The following TRAK1 variants were observed in gnomAD, a reference collection of about 807,000 sequenced individuals.
The protein encoded by TRAK1 is trafficking kinesin-binding protein 1.
Under a neutral mutation model 92.1 loss-of-function variants are expected in TRAK1, and 33 were observed. That is an observed-to-expected ratio of 0.36 (90% CI 0.27 to 0.48). The LOEUF is 0.48. Ranked by LOEUF, TRAK1 falls within the 20% of genes least tolerant of loss-of-function variation. The pLI, the probability that TRAK1 is intolerant of heterozygous loss-of-function variation, is 0.99. For synonymous variants in TRAK1, 521 were observed against 517.3 expected, an observed-to-expected ratio of 1.01 and a Z score of -0.10; for missense variants, 1,123 against 1,257.9, an observed-to-expected ratio of 0.89 and a Z score of 1.62.
chr3:42,045,593 T>C (rs1270429037), intron 1 of TRAK1, among the ~76,000 whole-genome samples: 1 of 152,184 alleles, frequency 6.6e-6, no homozygotes, highest in Non-Finnish European at 1.5e-5. Context: ...TCAGCATGGA[T>C]CCGATCCTAG....
rs138308490 is a variant in TRAK1, at chr3:42,063,266, G to T, written c.-518-23838G>T. ...TGAAATAGTTATTATTTTCCGCTTC[G>T]CGGGAAAAGTTTGCCAAGCCCTGCC... On this transcript the variant is annotated intron_variant, in intron 1 of 16. Transcript: ENST00000487159. Among the ~76,000 whole-genome samples, 16 of 152,338 alleles carry T rather than the reference G, an allele frequency of 1.1e-4. No homozygotes were observed. The East Asian group carries it at 2.9e-3, about 28-fold the overall frequency.
chr3:42,110,013 A>C (rs530787821), intron 1 of TRAK1, among the ~76,000 whole-genome samples: 20 of 146,512 alleles, frequency 1.4e-4, no homozygotes, highest in Admixed American at 4.1e-4. Context: ...TGATGAGTTA[A>C]TGGGTGCAGC....
intron 2 of TRAK1, chr3:42,160,565 T>TA: frequency 7.8e-7 from 1 of 1,283,432 alleles, no homozygotes; most frequent in Non-Finnish European, 1.1e-6. Context: ...ACTGTTTTGT[T>TA]TTTGTTTTTT....
At chr3:42,193,321 C>T (rs537912616) in intron 8 of TRAK1, 116 bp downstream of exon 8, 46 of 1,426,064 alleles carry the variant, frequency 3.2e-5, no homozygotes, top group South Asian at 1.9e-4. Context: ...TTCGTGTTGC[C>T]GCTTTGCAGA....
At chr3:42,187,904 A>G in intron 4 of TRAK1, 141 bp from the exon 5 acceptor site, 1 of 722,548 alleles carries the variant, frequency 1.4e-6, no homozygotes, top group East Asian at 2.5e-5. Flanking sequence ...TGAATAGCAC[A>G]AAATCAGTTT....
rs202135847 is a variant in TRAK1, at chr3:42,107,367, C to T, written c.91+15807C>T. 5.3e-5 allele frequency among the ~76,000 whole-genome samples: 8 copies of T among 152,054 alleles called. No homozygotes were observed. In the East Asian group the frequency reaches 5.8e-4, roughly 11 times the overall value. On this transcript the variant is annotated intron_variant, in intron 1 of 15. Transcript: ENST00000327628. Reference sequence around the variant, plus strand: ...GTCTCTACTAAAATACGAAAATTAGCCTGGCGTGGTGGTGCGTGCCTGTAG... The same window carrying T: ...GTCTCTACTAAAATACGAAAATTAGTCTGGCGTGGTGGTGCGTGCCTGTAG...
chr3:42,185,469 G>C (rs1296863187), intron 4 of TRAK1, among the ~76,000 whole-genome samples: 1 of 152,128 alleles, frequency 6.6e-6, no homozygotes, highest in Non-Finnish European at 1.5e-5. Flanking sequence ...AGGTTTAGAA[G>C]GAATGATGCT....
At position 42,223,510 on chromosome 3, in the gene TRAK1, G is replaced by A; in HGVS notation, c.2635G>A (p.Gly879Arg). The change falls in exon 16 of 16, where the codon GGG becomes AGG. Residue 879 changes from glycine to arginine, a missense_variant. Gly to Arg is a moderately radical substitution (Grantham distance 125). This residue lies in a region of TRAK1 where 401 missense variants were observed against 438.9 expected (regional missense o/e 0.91). Transcript: ENST00000327628. The surrounding 1 kb of genome is among the most constrained non-coding windows in gnomAD (Gnocchi z 6.1). ...GGGACCCCTCCTCTGTGGGCCCCCG[G>A]GGCCAGCACCAGCCCTTGTTCCCAG... Reference protein sequence around the residue: ...EQGPLLCGPPGPAPALVPRGL... With the variant: ...EQGPLLCGPPRPAPALVPRGL... 6.2e-7 allele frequency: 1 copy of A among 1,613,684 alleles called. No individual in the cohort carries two copies. The highest frequency in any genetic ancestry group is 1.1e-5 in the South Asian group (1 of 91,084).
chr3:42,191,428 G>T (rs1310543809), intron 6 of TRAK1, 130 bp from the exon 7 acceptor site: 3 of 659,514 alleles, frequency 4.5e-6, no homozygotes, highest in Non-Finnish European at 7.6e-6. Flanking sequence ...GGGTACGATG[G>T]GTGACAGGTG....
intron 1 of TRAK1, among the ~76,000 whole-genome samples, chr3:42,071,081 G>C (rs1160149478): frequency 2.0e-5 from 3 of 152,166 alleles, no homozygotes; most frequent in Non-Finnish European, 4.4e-5. Flanking sequence ...AATGCACCCA[G>C]GCCTGGCTAA....
chr3:42,103,265 T>G (rs753182862), intron 1 of TRAK1, among the ~76,000 whole-genome samples: 1 of 152,166 alleles, frequency 6.6e-6, no homozygotes, highest in Non-Finnish European at 1.5e-5. Context: ...CCTCCCAGGT[T>G]CAAGAGATTC....
intron 2 of TRAK1, among the ~76,000 whole-genome samples, chr3:42,167,608 C>T (rs1179555222): frequency 6.6e-6 from 1 of 152,168 alleles, no homozygotes; most frequent in Non-Finnish European, 1.5e-5. Context: ...GGGCCAGGCA[C>T]GGTGGCTCAC....
At chr3:42,044,729 ATTAAT>A (rs1354105182) in intron 1 of TRAK1, among the ~76,000 whole-genome samples, 1 of 152,226 alleles carries the variant, frequency 6.6e-6, no homozygotes, top group Non-Finnish European at 1.5e-5. Flanking sequence ...TTAAATGCTT[ATTAAT>A]AAATGCTCTA....
At chr3:42,146,143 C>T in intron 2 of TRAK1, 1 of 411,466 alleles carries the variant, frequency 2.4e-6, no homozygotes, top group Non-Finnish European at 4.7e-6. Context: ...TGTCCTTGGT[C>T]TGCAAACCAT....
At chr3:42,113,678 G>T (rs1708791951) in intron 1 of TRAK1, among the ~76,000 whole-genome samples, 1 of 152,016 alleles carries the variant, frequency 6.6e-6, no homozygotes, top group African/African-American at 2.4e-5. Context: ...GCCTCCCAAA[G>T]TTCTGGGATT....
At chr3:42,022,967 G>T (rs1410890861) in intron 1 of TRAK1, among the ~76,000 whole-genome samples, 1 of 151,704 alleles carries the variant, frequency 6.6e-6, no homozygotes, top group Non-Finnish European at 1.5e-5. Flanking sequence ...GACGATCCTG[G>T]CTAACACGGT....
chr3:42,072,686 A>G (rs1169080183), intron 1 of TRAK1, among the ~76,000 whole-genome samples: 2 of 152,074 alleles, frequency 1.3e-5, no homozygotes, highest in Non-Finnish European at 2.9e-5. Context: ...ATTTGGTCAC[A>G]TGACAGCAGT....
chr3:42,041,494 G>C (rs1255450500), intron 1 of TRAK1, among the ~76,000 whole-genome samples: 1 of 151,854 alleles, frequency 6.6e-6, no homozygotes, highest in Non-Finnish European at 1.5e-5. Context: ...TTGTGTATTT[G>C]TTCTAATAGT....
chr3:42,175,266 C>T (rs6806378), intron 2 of TRAK1, among the ~76,000 whole-genome samples: 15,863 of 152,120 alleles, frequency 0.1, 938 homozygotes, highest in Non-Finnish European at 0.13. Context: ...TGTATCTGCA[C>T]GCCTGCAGAC....
Sources: allele counts gnomAD v4.1 joint callset (sites outside exome capture counted in the v4.1 genomes callset), GRCh38; gene constraint gnomAD v4.1.1; regional missense constraint gnomAD v4.1.1; non-coding constraint Gnocchi (gnomAD v3.1); transcripts MANE v1.5; gene names NCBI Gene and HGNC (gene_info 2026-07-23, HGNC 2026-07-21).